CPNE2: variants seen among roughly 807,000 people sequenced by gnomAD.
CPNE2 encodes copine 2.
Under a neutral mutation model 69.7 loss-of-function variants are expected in CPNE2, and 42 were observed. The ratio of observed to expected loss-of-function variants is 0.60; its 90% CI spans 0.47 to 0.78. CPNE2 has a LOEUF of 0.78. Ranked by LOEUF, CPNE2 falls within the 30% of genes least tolerant of loss-of-function variation. CPNE2 has a pLI of 0.00. For missense variants in CPNE2, 587 were observed against 732.0 expected (o/e 0.80, Z 2.29); for synonymous variants, 294 against 289.8 (o/e 1.01, Z -0.15).
chr16:57,113,978 TCA>T (rs1485782437), intron 3 of CPNE2, among the ~76,000 whole-genome samples: 1 of 152,208 alleles, frequency 6.6e-6, no homozygotes, highest in Admixed American at 6.5e-5. Flanking sequence ...CCTCTGGGCC[TCA>T]GTTTCCCCAC....
chr16:57,122,435 G>A (rs951239517), intron 9 of CPNE2, among the ~76,000 whole-genome samples: 2 of 152,286 alleles, frequency 1.3e-5, no homozygotes, highest in African/African-American at 4.8e-5. Flanking sequence ...GTGGTGTCAC[G>A]ACAAAAAAGC....
intron 7 of CPNE2, among the ~76,000 whole-genome samples, chr16:57,120,737 G>T (rs542742225): frequency 2.6e-5 from 4 of 152,144 alleles, no homozygotes; most frequent in Non-Finnish European, 4.4e-5. Flanking sequence ...ATAAAGCTGT[G>T]ATTTCTGTGC....
chr16:57,144,150 A>T (rs1202177274), intron 14 of CPNE2: 3 of 152,226 alleles, frequency 2.0e-5, no homozygotes, highest in Middle Eastern at 3.2e-3. Flanking sequence ...ACAGCCAGGG[A>T]TGGGGGGCTG....
In CPNE2 at chr16:57,110,748, C is replaced by T. The variant is rs2145245573; in HGVS notation, c.6C>T (p.Ala2=). 1 of 1,609,376 alleles carries T rather than the reference C, an allele frequency of 6.2e-7. No individual in the cohort carries two copies. Among genetic ancestry groups the T allele is most frequent in the Non-Finnish European group, 8.5e-7 (1 of 1,177,656 alleles). Residue 2 remains alanine, a synonymous_variant, in exon 2 of 16, where the codon GCC becomes GCT. Transcript: ENST00000290776. ...TGCCACCGCCACCGGCTCCCATGGCCCACATACCCAGTGGGGGTGCCCCAG... is the reference window on the plus strand; with the variant it reads ...TGCCACCGCCACCGGCTCCCATGGCTCACATACCCAGTGGGGGTGCCCCAG... M[A]HIPSGGAPAA...
At chr16:57,123,513 C>T (rs1315615549) in intron 10 of CPNE2, 40 bp downstream of exon 10, 3 of 1,596,908 alleles carry the variant, frequency 1.9e-6, no homozygotes, top group Non-Finnish European at 2.6e-6. Context: ...ACCCCCATCC[C>T]AGTGAGGGTC....
chr16:57,134,626 T>C (rs2069863544), intron 12 of CPNE2, 149 bp from the exon 13 acceptor site: 1 of 750,566 alleles, frequency 1.3e-6, no homozygotes. Flanking sequence ...GAAAAGCAGA[T>C]GTGGGGGGTA....
intron 5 of CPNE2, among the ~76,000 whole-genome samples, 195 bp downstream of exon 5, chr16:57,117,762 G>C (rs1406217943): frequency 6.6e-6 from 1 of 152,152 alleles, no homozygotes; most frequent in Non-Finnish European, 1.5e-5. Flanking sequence ...TCCCTTAGGG[G>C]TATTCAAAAC....
chr16:57,137,363 T>C, intron 14 of CPNE2, 81 bp downstream of exon 14: 1 of 1,545,358 alleles, frequency 6.5e-7, no homozygotes, highest in Non-Finnish European at 8.8e-7. Flanking sequence ...CTGCCTTCTC[T>C]TTGCTTTAAA....
At chr16:57,099,677 A>G (rs2069600741) in intron 1 of CPNE2, among the ~76,000 whole-genome samples, 1 of 151,232 alleles carries the variant, frequency 6.6e-6, no homozygotes, top group South Asian at 2.1e-4. Context: ...AGCTTGCTGC[A>G]ACTTCCACAC....
Position 57,119,610 on chromosome 16 carries a change from T to C in CPNE2, c.641T>C (p.Leu214Ser). 1 of 1,613,070 alleles carries C rather than the reference T, an allele frequency of 6.2e-7. No homozygotes were observed. The highest frequency in any genetic ancestry group is 1.1e-5 in the South Asian group (1 of 90,806). The change falls in exon 7 of 16, where the codon TTG (leucine) becomes TCG (serine). Residue 214 changes from leucine to serine, a missense_variant. Leu to Ser is a moderately radical substitution (Grantham distance 145). This residue lies in a region of CPNE2 where 269 missense variants were observed against 300.5 expected (regional missense o/e 0.90). Coordinates refer to ENST00000290776, the MANE Select transcript of CPNE2 (RefSeq NM_152727.6). ...DPVWKPFTVP[L>S]VSLCDGDMEK... ...GTGTGGAAGCCATTCACAGTGCCCT[T>C]GGTGTCCCTGTGTGATGGGGACATG...
At chr16:57,140,296 A>G (rs8043789) in intron 14 of CPNE2, among the ~76,000 whole-genome samples, 138,746 of 152,018 alleles carry the variant, frequency 0.91, 63,497 homozygotes, top group Middle Eastern at 0.98. Context: ...TCAGCATCCC[A>G]AGTAGCTGGG....
chr16:57,120,634 CAT>C (rs1294389037), intron 7 of CPNE2, among the ~76,000 whole-genome samples: 1 of 152,048 alleles, frequency 6.6e-6, no homozygotes, highest in Non-Finnish European at 1.5e-5. Flanking sequence ...TGGGCAGGTA[CAT>C]CTCTTTCAGG....
intron 1 of CPNE2, among the ~76,000 whole-genome samples, chr16:57,104,188 G>T (rs937349613): frequency 5.9e-5 from 9 of 152,224 alleles, no homozygotes; most frequent in Admixed American, 5.9e-4. Flanking sequence ...AAAGTGCTGG[G>T]ATCACAGGTG....
chr16:57,124,279 G>C (rs978811782), intron 10 of CPNE2: 4 of 398,574 alleles, frequency 1.0e-5, no homozygotes, highest in Non-Finnish European at 2.0e-5. Context: ...ATGGGGTTTT[G>C]CTATGTTGCC....
chr16:57,102,535 G>C (rs2069621118), intron 1 of CPNE2, among the ~76,000 whole-genome samples: 1 of 151,892 alleles, frequency 6.6e-6, no homozygotes. Context: ...TCCCTATGCT[G>C]TGTCCACCAG....
chr16:57,139,986 C>G (rs531014085), intron 14 of CPNE2, among the ~76,000 whole-genome samples: 1 of 152,096 alleles, frequency 6.6e-6, no homozygotes, highest in Non-Finnish European at 1.5e-5. Flanking sequence ...GAAGGACAGG[C>G]CAGCAAAGCG....
chr16:57,098,694 T>C (rs1224670690), intron 1 of CPNE2, among the ~76,000 whole-genome samples: 5 of 152,230 alleles, frequency 3.3e-5, no homozygotes, highest in Middle Eastern at 3.2e-3. Flanking sequence ...CAAGATGTTA[T>C]GGTTCCTCTT....
rs139720882 is a variant in CPNE2, at chr16:57,140,254, T to G, written c.1302+2972T>G. Reference sequence around the variant, plus strand: ...GGTGCAATCTTGGCTCACTGCAACCTCCGCCTCCTGGGTTCAAGCGATTCT... The same window carrying G: ...GGTGCAATCTTGGCTCACTGCAACCGCCGCCTCCTGGGTTCAAGCGATTCT... On this transcript the variant is annotated intron_variant, in intron 14 of 15. Transcript: ENST00000290776. 7.0e-3 allele frequency among the ~76,000 whole-genome samples: 1,058 copies of G among 152,230 alleles called. 11 individuals carry two copies. Among genetic ancestry groups the G allele is most frequent in the African/African-American group, 0.023 (943 of 41,534 alleles).
intron 14 of CPNE2, chr16:57,144,512 G>C (rs913099229): frequency 1.3e-5 from 2 of 152,228 alleles, no homozygotes; most frequent in Admixed American, 6.5e-5. Context: ...ACTAGTCTAG[G>C]CCCCAGTTTC....
Sources: allele counts gnomAD v4.1 joint callset (sites outside exome capture counted in the v4.1 genomes callset), GRCh38; gene constraint gnomAD v4.1.1; regional missense constraint gnomAD v4.1.1; transcripts MANE v1.5; gene names NCBI Gene and HGNC (gene_info 2026-07-23, HGNC 2026-07-21).